Variants in GRIN2A observed in about 807,000 individuals in gnomAD.
GRIN2A encodes glutamate receptor ionotropic, NMDA 2A.
Under a neutral mutation model 113.4 loss-of-function variants are expected in GRIN2A, and 22 were observed. That is an observed-to-expected ratio of 0.19 (90% CI 0.14 to 0.28). The LOEUF is 0.28. Among genes scored for constraint, GRIN2A ranks in the 10% least tolerant of loss-of-function variants. The probability of loss-of-function intolerance (pLI) is 1.00; values close to 1 mark genes in which losing one functional copy is unlikely to be tolerated. For synonymous variants in GRIN2A, 827 were observed against 738.4 expected (o/e 1.12, Z -1.94); for missense variants, 1,502 against 1,887.0 (o/e 0.80, Z 3.78).
chr16:9,895,142 G>A (rs541790384), intron 3 of GRIN2A, among the ~76,000 whole-genome samples: 194 of 152,222 alleles, frequency 1.3e-3, no homozygotes, highest in African/African-American at 3.8e-3. Flanking sequence ...TAACTATAAC[G>A]AAGAACAATA....
chr16:9,897,687 A>AT (rs2141503356), intron 3 of GRIN2A, among the ~76,000 whole-genome samples: 1 of 152,308 alleles, frequency 6.6e-6, no homozygotes, highest in East Asian at 1.9e-4. Context: ...ATTAAAATTA[A>AT]TTTTATCTGC....
chr16:9,959,819 C>T (rs1039381287), intron 2 of GRIN2A, among the ~76,000 whole-genome samples: 3 of 152,158 alleles, frequency 2.0e-5, no homozygotes, highest in African/African-American at 7.2e-5. Flanking sequence ...ACTAAAAATA[C>T]AAAAACTACC....
intron 3 of GRIN2A, among the ~76,000 whole-genome samples, chr16:9,914,025 G>A (rs759919062): frequency 6.6e-6 from 1 of 151,658 alleles, no homozygotes; most frequent in Non-Finnish European, 1.5e-5. Context: ...AGAACTGAGT[G>A]TGAAAAACAA....
chr16:9,987,271 T>A (rs1222803788), intron 2 of GRIN2A, among the ~76,000 whole-genome samples: 2 of 152,224 alleles, frequency 1.3e-5, no homozygotes, highest in African/African-American at 4.8e-5. Context: ...CCAATACAGA[T>A]GGCCTAAAGA....
At chr16:10,025,122 AAAG>A (rs1449383934) in intron 2 of GRIN2A, among the ~76,000 whole-genome samples, 1 of 152,114 alleles carries the variant, frequency 6.6e-6, no homozygotes, top group Admixed American at 6.5e-5. Context: ...AGGAATGAGT[AAAG>A]AAGAAAATTG....
intron 2 of GRIN2A, among the ~76,000 whole-genome samples, chr16:9,957,318 G>C (rs2045331304): frequency 6.6e-6 from 1 of 152,146 alleles, no homozygotes. Context: ...AGTGGATATA[G>C]GATTGAGCTC....
At chr16:10,040,020 A>AAG (rs2047126196) in intron 2 of GRIN2A, among the ~76,000 whole-genome samples, 1 of 58,530 alleles carries the variant, frequency 1.7e-5, no homozygotes, top group Non-Finnish European at 3.9e-5. Flanking sequence ...TCCACACACC[A>AAG]CACACAAATA....
intron 3 of GRIN2A, among the ~76,000 whole-genome samples, chr16:9,914,466 C>A (rs931183805): frequency 6.6e-6 from 1 of 152,218 alleles, no homozygotes; most frequent in Non-Finnish European, 1.5e-5. Context: ...CAGGCCTGCA[C>A]CTGCTTTCAG....
In GRIN2A at chr16:9,759,313, A is replaced by G. The variant is rs950643279; in HGVS notation, c.*3836T>C. On this transcript the variant is annotated 3_prime_UTR_variant, in exon 13 of 13. Transcript: ENST00000330684. ...AACATCAACATTTTTTTTCTTTTTC[A>G]TTAGCAATTCTATTTGCAAATAATT... is the stretch of plus-strand genomic sequence containing the variant. The G allele has an allele frequency of 2.3e-5, 5 of 221,694 alleles. No homozygotes were observed. Among genetic ancestry groups the G allele is most frequent in the Admixed American group, 1.2e-4 (2 of 17,372 alleles). 13.7% of individuals were successfully genotyped at this position (221,694 alleles called of 1,614,324 possible).
intron 2 of GRIN2A, among the ~76,000 whole-genome samples, chr16:10,172,534 A>AAGTGT (rs1731225661): frequency 6.6e-6 from 1 of 152,220 alleles, no homozygotes; most frequent in African/African-American, 2.4e-5. Context: ...AAGTGAAGTG[A>AAGTGT]AGTGAAGTGA....
intron 3 of GRIN2A, among the ~76,000 whole-genome samples, chr16:9,917,444 C>T (rs2141570911): frequency 6.6e-6 from 1 of 152,304 alleles, no homozygotes; most frequent in South Asian, 2.1e-4. Context: ...ACAATGTGAC[C>T]TTGAAAAAGG....
At chr16:9,965,475 G>C (rs970557833) in intron 2 of GRIN2A, among the ~76,000 whole-genome samples, 9 of 152,182 alleles carry the variant, frequency 5.9e-5, no homozygotes, top group Non-Finnish European at 1.0e-4. Flanking sequence ...TATAGAATAA[G>C]AGACTTTTGG....
rs541818324 is a variant in GRIN2A at position 10,054,966 on chromosome 16, T to G, written c.415-116415A>C. On this transcript the variant is annotated intron_variant, in intron 2 of 12. Transcript: ENST00000330684. ...GGAAGCTGGAGGCAGGAGAATCGCT[T>G]GAACCCAGGAGGCGGAGGTTGCAGT... is the stretch of plus-strand genomic sequence containing the variant. 2.1e-5 allele frequency among the ~76,000 whole-genome samples: 3 copies of G among 143,906 alleles called. No individual in the cohort carries two copies. The South Asian group carries it at 6.6e-4, about 32-fold the overall frequency. The allele number at this position is 143,906 out of a possible 152,430, so 94.4% of individuals were successfully genotyped here.
chr16:9,854,991 C>A (rs2042943556), intron 4 of GRIN2A, among the ~76,000 whole-genome samples: 1 of 116,918 alleles, frequency 8.6e-6, no homozygotes, highest in African/African-American at 3.7e-5. Flanking sequence ...GGCAAGCACG[C>A]TTGTGTGTGT....
chr16:9,989,574 A>C (rs1222355006), intron 2 of GRIN2A, among the ~76,000 whole-genome samples: 1 of 152,224 alleles, frequency 6.6e-6, no homozygotes, highest in East Asian at 1.9e-4. Context: ...CTGCACTGCA[A>C]AAGAAACTAT....
At chr16:10,074,268 CTGAT>C (rs2142038937) in intron 2 of GRIN2A, among the ~76,000 whole-genome samples, 1 of 152,328 alleles carries the variant, frequency 6.6e-6, no homozygotes, top group East Asian at 1.9e-4. Flanking sequence ...ACCCCGTACA[CTGAT>C]TGTGAGAATG....
chr16:9,962,719 C>A (rs368000872), intron 2 of GRIN2A, among the ~76,000 whole-genome samples: 39 of 152,222 alleles, frequency 2.6e-4, no homozygotes, highest in Non-Finnish European at 4.9e-4. Context: ...CGGTAGATTG[C>A]TCAGGGATCT....
chr16:9,985,700 A>T (rs1194509102), intron 2 of GRIN2A, among the ~76,000 whole-genome samples: 1 of 152,146 alleles, frequency 6.6e-6, no homozygotes, highest in Non-Finnish European at 1.5e-5. Flanking sequence ...AGAGGCTAGG[A>T]AGGGTAGTTG....
chr16:9,821,396 A>G (rs894528942), intron 10 of GRIN2A, among the ~76,000 whole-genome samples: 3 of 152,160 alleles, frequency 2.0e-5, no homozygotes, highest in Admixed American at 6.5e-5. Context: ...ACTTTCTCCC[A>G]GAGAGTTCCA....
Sources: allele counts gnomAD v4.1 joint callset (sites outside exome capture counted in the v4.1 genomes callset), GRCh38; gene constraint gnomAD v4.1.1; transcripts MANE v1.5; gene names NCBI Gene and HGNC (gene_info 2026-07-23, HGNC 2026-07-21).